The following CTNNA2 variants were observed in gnomAD, a reference collection of about 807,000 sequenced individuals.
CTNNA2 encodes catenin alpha 2, also known as catenin alpha-2.
In CTNNA2, 42 loss-of-function variants were observed where a neutral mutation model predicts 101.0. The observed-to-expected ratio is 0.42, with a 90% CI of 0.32 to 0.54. The LOEUF is 0.54. Ranked by LOEUF, CTNNA2 falls within the 20% of genes least tolerant of loss-of-function variation. The pLI is 0.14. For missense variants in CTNNA2, 871 were observed against 1,223.1 expected, an observed-to-expected ratio of 0.71 and a Z score of 4.29; for synonymous variants, 450 against 456.4, an observed-to-expected ratio of 0.99 and a Z score of 0.18.
chr2:79,400,563 A>G (rs1161904337), intron 4 of CTNNA2, among the ~76,000 whole-genome samples: 1 of 152,048 alleles, frequency 6.6e-6, no homozygotes, highest in Non-Finnish European at 1.5e-5. Flanking sequence ...AAAATCGGTT[A>G]ACTTGAAGAA....
intron 12 of CTNNA2, among the ~76,000 whole-genome samples, chr2:80,561,440 A>G (rs1427225930): frequency 6.6e-6 from 1 of 152,198 alleles, no homozygotes; most frequent in Non-Finnish European, 1.5e-5. Flanking sequence ...AATTTTTCCT[A>G]AAAGCAAATG....
chr2:80,040,071 A>C lies in CTNNA2; in HGVS notation c.1056+130274A>C, dbSNP rs143497242. Among the ~76,000 whole-genome samples the C allele has an allele frequency of 1.3e-3, 205 of 152,314 alleles. 5 individuals carry two copies. Among genetic ancestry groups the C allele is most frequent in the African/African-American group, 4.6e-3 (192 of 41,580 alleles). Reference sequence around the variant, plus strand: ...ATCTTTCTACATGTCAAAGCTTTTCAATTTATTTGAAAATTGGACCAAACT... The same window carrying C: ...ATCTTTCTACATGTCAAAGCTTTTCCATTTATTTGAAAATTGGACCAAACT... On this transcript the variant is annotated intron_variant, in intron 7 of 18. Transcript: ENST00000402739.
intron 3 of CTNNA2, among the ~76,000 whole-genome samples, chr2:79,334,550 G>GAATTTGACAAATTT (rs1420913882): frequency 3.9e-5 from 6 of 151,992 alleles, no homozygotes; most frequent in Admixed American, 6.6e-5. Context: ...ACAAATTTAA[G>GAATTTGACAAATTT]AAGAGTTTGA....
At chr2:80,025,293 CG>C (rs1358662852) in intron 7 of CTNNA2, among the ~76,000 whole-genome samples, 1 of 152,152 alleles carries the variant, frequency 6.6e-6, no homozygotes, top group Non-Finnish European at 1.5e-5. Context: ...GTGGAACCCT[CG>C]CCAGGGACCC....
At chr2:80,091,563 T>C (rs964296886) in intron 7 of CTNNA2, among the ~76,000 whole-genome samples, 1 of 152,052 alleles carries the variant, frequency 6.6e-6, no homozygotes, top group African/African-American at 2.4e-5. Flanking sequence ...TGCAGTCTGG[T>C]ATAAATCAGG....
chr2:79,812,580 C>G (rs964650949), intron 3 of CTNNA2, among the ~76,000 whole-genome samples: 1 of 152,140 alleles, frequency 6.6e-6, no homozygotes, highest in Non-Finnish European at 1.5e-5. Context: ...TATAAGAAAC[C>G]TTATGATCTC....
chr2:79,304,587 G>A (rs968162606), intron 2 of CTNNA2, among the ~76,000 whole-genome samples: 6 of 152,272 alleles, frequency 3.9e-5, no homozygotes, highest in Admixed American at 6.5e-5. Context: ...AGGATTAAGC[G>A]TACCTCATAG....
intron 2 of CTNNA2, among the ~76,000 whole-genome samples, chr2:79,224,464 T>C (rs1038679577): frequency 1.3e-5 from 2 of 152,200 alleles, no homozygotes. Flanking sequence ...CCTATATACC[T>C]GTGCATCACT....
intron 4 of CTNNA2, among the ~76,000 whole-genome samples, chr2:79,396,269 C>T (rs888723352): frequency 2.0e-5 from 3 of 152,012 alleles, no homozygotes; most frequent in East Asian, 1.9e-4. Context: ...AGTGATTCTC[C>T]TGTCTCAGCC....
intron 13 of CTNNA2, among the ~76,000 whole-genome samples, chr2:80,580,752 T>C (rs969641119): frequency 3.3e-5 from 5 of 152,210 alleles, no homozygotes; most frequent in Admixed American, 3.3e-4. Flanking sequence ...CAGTGACTCA[T>C]GCTTGTAATC....
At chr2:80,245,888 G>A (rs550919581) in intron 7 of CTNNA2, among the ~76,000 whole-genome samples, 26 of 138,866 alleles carry the variant, frequency 1.9e-4, no homozygotes, top group African/African-American at 5.7e-4. Context: ...TCTGCCTTCC[G>A]GATTCACGCC....
chr2:79,472,236 C>G (rs1399863128), intron 4 of CTNNA2, among the ~76,000 whole-genome samples: 4 of 152,216 alleles, frequency 2.6e-5, no homozygotes, highest in Non-Finnish European at 4.4e-5. Context: ...AAGACAAGTT[C>G]TATGAGAACT....
chr2:80,026,144 G>A (rs1176031941), intron 7 of CTNNA2, among the ~76,000 whole-genome samples: 3 of 152,156 alleles, frequency 2.0e-5, no homozygotes, highest in Non-Finnish European at 4.4e-5. Context: ...GAGGCAGCAA[G>A]CCATGAGGAA....
intron 7 of CTNNA2, among the ~76,000 whole-genome samples, chr2:80,071,776 AG>A: frequency 6.6e-6 from 1 of 152,274 alleles, no homozygotes; most frequent in African/African-American, 2.4e-5. Context: ...GCTCATCGGC[AG>A]GGGTTGGAGA....
chr2:79,520,490 A>T (rs1416860302), intron 1 of CTNNA2, among the ~76,000 whole-genome samples: 1 of 152,206 alleles, frequency 6.6e-6, no homozygotes. Flanking sequence ...CATAAAATTT[A>T]AAAGAAAATA....
In CTNNA2 at chr2:80,647,737, G is replaced by A. The variant is rs1674261199; in HGVS notation, c.2727G>A (p.Lys909=). The change falls in exon 19 of 19, where the codon AAG becomes AAA. Residue 909 remains lysine, a synonymous_variant. Coordinates refer to ENST00000402739, the MANE Select transcript of CTNNA2 (RefSeq NM_001282597.3). ...VNSPVVSWKM[K]APEKKPLVKR... The stretch of plus-strand genomic sequence containing the variant: ...CACCTGTTGTGTCTTGGAAGATGAA[G>A]GCTCCAGAGAAGAAGCCCCTTGTGA... The A allele has an allele frequency of 6.2e-7, 1 of 1,613,432 alleles. No individual in the cohort carries two copies. Among genetic ancestry groups the A allele is most frequent in the Admixed American group, 1.7e-5 (1 of 59,954 alleles).
intron 7 of CTNNA2, among the ~76,000 whole-genome samples, chr2:80,120,255 C>T (rs1292811731): frequency 1.3e-5 from 2 of 152,152 alleles, no homozygotes; most frequent in Non-Finnish European, 2.9e-5. Context: ...AATATCTGCA[C>T]ATAATTTCCA....
chr2:79,360,691 T>C (rs923607165), intron 3 of CTNNA2, among the ~76,000 whole-genome samples: 1 of 152,060 alleles, frequency 6.6e-6, no homozygotes, highest in African/African-American at 2.4e-5. Flanking sequence ...ACACAAAAAG[T>C]CAACAGGAAA....
intron 2 of CTNNA2, among the ~76,000 whole-genome samples, chr2:79,718,931 T>C (rs963308119): frequency 4.6e-5 from 7 of 152,084 alleles, no homozygotes; most frequent in African/African-American, 1.7e-4. Flanking sequence ...CATTCAATTT[T>C]TATTTCTGAT....
Sources: allele counts gnomAD v4.1 joint callset (sites outside exome capture counted in the v4.1 genomes callset), GRCh38; gene constraint gnomAD v4.1.1; transcripts MANE v1.5; gene names NCBI Gene and HGNC (gene_info 2026-07-23, HGNC 2026-07-21).